Variants in AP3B1 observed in about 807,000 individuals in gnomAD.
AP3B1 encodes AP-3 complex subunit beta-1.
In AP3B1, 61 loss-of-function variants were observed where a neutral mutation model predicts 132.5. The ratio of observed to expected loss-of-function variants is 0.46; its 90% CI spans 0.37 to 0.57. The LOEUF (loss-of-function observed/expected upper bound fraction) is 0.57. Ranked by LOEUF, AP3B1 falls within the 20% of genes least tolerant of loss-of-function variation. The probability of loss-of-function intolerance (pLI) is 0.00; values close to 1 mark genes in which losing one functional copy is unlikely to be tolerated. For synonymous variants in AP3B1, 388 were observed against 438.3 expected (o/e 0.89, Z 1.43); for missense variants, 1,120 against 1,289.4 (o/e 0.87, Z 2.01).
intron 17 of AP3B1, among the ~76,000 whole-genome samples, chr5:78,125,954 T>C (rs1159305027): frequency 6.6e-6 from 1 of 152,018 alleles, no homozygotes; most frequent in Non-Finnish European, 1.5e-5. Context: ...TTAAATTGCA[T>C]AGCATTGCTA....
chr5:78,242,933 A>G (rs1747205312), intron 2 of AP3B1, among the ~76,000 whole-genome samples: 1 of 152,226 alleles, frequency 6.6e-6, no homozygotes, highest in African/African-American at 2.4e-5. Flanking sequence ...TACATACCAT[A>G]TCTAATAAAC....
At chr5:78,166,196 T>C (rs1373139534) in intron 11 of AP3B1, among the ~76,000 whole-genome samples, 9 of 151,168 alleles carry the variant, frequency 6.0e-5, no homozygotes, top group African/African-American at 2.2e-4. Context: ...GCCAATGTGG[T>C]AAGGCATTAT....
At chr5:78,201,762 A>C (rs1431885228) in intron 7 of AP3B1, among the ~76,000 whole-genome samples, 1 of 152,210 alleles carries the variant, frequency 6.6e-6, no homozygotes, top group African/African-American at 2.4e-5. Flanking sequence ...ACAGAGAGAC[A>C]TCCAAGGAGA....
intron 2 of AP3B1, among the ~76,000 whole-genome samples, chr5:78,258,235 G>A (rs1212133292): frequency 1.1e-4 from 17 of 152,104 alleles, no homozygotes; most frequent in Non-Finnish European, 1.5e-5. Flanking sequence ...CTCATAGAAT[G>A]GGAGAAAATA....
At chr5:78,079,535 T>G (rs997146939) in intron 22 of AP3B1, among the ~76,000 whole-genome samples, 1 of 152,158 alleles carries the variant, frequency 6.6e-6, no homozygotes, top group African/African-American at 2.4e-5. Flanking sequence ...AAAGATTGAT[T>G]TAGTATATAA....
intron 20 of AP3B1, among the ~76,000 whole-genome samples, chr5:78,105,274 A>G (rs1751287947): frequency 9.5e-6 from 1 of 105,444 alleles, no homozygotes; most frequent in Admixed American, 1.2e-4. Flanking sequence ...GTGGACTAAC[A>G]ACGTAGCTGA....
At position 78,002,364 on chromosome 5, in the gene AP3B1, A is replaced by G. The variant is rs2112027005; in HGVS notation, c.*538T>C. 5.3e-6 allele frequency: 2 copies of G among 380,498 alleles called. No homozygotes were observed. The highest frequency in any genetic ancestry group is 7.6e-5 in the East Asian group (2 of 26,164). The allele number at this position is 380,498 out of a possible 1,614,324, so 23.6% of individuals were successfully genotyped here. A position where few individuals can be genotyped will look rare whatever the true frequency, so the allele number is the denominator to read the frequency against. On this transcript the variant is annotated 3_prime_UTR_variant, in exon 27 of 27. Coordinates refer to ENST00000255194, the MANE Select transcript of AP3B1 (RefSeq NM_003664.5). ...CTAGTTTATTTATCTTATTATTGAG[A>G]GATAATTTCATGATGACAGTTATCA...
At chr5:78,011,041 CTTTTTTTTTT>C (rs11301750) in intron 26 of AP3B1, among the ~76,000 whole-genome samples, 1 of 129,374 alleles carries the variant, frequency 7.7e-6, no homozygotes, top group Non-Finnish European at 1.6e-5. Context: ...CTGTATCTCT[CTTTTTTTTTT>C]TTTTTTTTTT....
chr5:78,242,847 A>G (rs1722133267), intron 2 of AP3B1, among the ~76,000 whole-genome samples: 1 of 152,154 alleles, frequency 6.6e-6, no homozygotes, highest in South Asian at 2.1e-4. Flanking sequence ...ATATCTTTTA[A>G]AAGTCCAGAC....
At chr5:78,206,822 T>A (rs141525239) in intron 7 of AP3B1, among the ~76,000 whole-genome samples, 7 of 151,990 alleles carry the variant, frequency 4.6e-5, no homozygotes, top group Non-Finnish European at 8.8e-5. Context: ...ATAAATGCAA[T>A]CAAAAAGACA....
chr5:78,021,935 G>A (rs999011603), intron 24 of AP3B1, among the ~76,000 whole-genome samples: 2 of 152,120 alleles, frequency 1.3e-5, no homozygotes, highest in Admixed American at 6.5e-5. Context: ...GTTAGAACTG[G>A]ATCCCACAGC....
At chr5:78,041,431 C>T (rs545018217) in intron 22 of AP3B1, among the ~76,000 whole-genome samples, 8 of 151,198 alleles carry the variant, frequency 5.3e-5, no homozygotes, top group Admixed American at 2.0e-4. Context: ...TGGTGCATTG[C>T]GCCTGTAGTC....
chr5:78,029,657 A>G (rs1747489581), intron 24 of AP3B1, among the ~76,000 whole-genome samples: 1 of 152,036 alleles, frequency 6.6e-6, no homozygotes, highest in Non-Finnish European at 1.5e-5. Flanking sequence ...TTAAACATTT[A>G]TTTTAAATTA....
At chr5:78,247,717 T>C (rs1056435313) in intron 2 of AP3B1, among the ~76,000 whole-genome samples, 1 of 152,128 alleles carries the variant, frequency 6.6e-6, no homozygotes, top group Non-Finnish European at 1.5e-5. Flanking sequence ...TTATAACTTA[T>C]GTCTTTATAT....
At chr5:78,013,849 G>T (rs1193129809) in intron 26 of AP3B1, among the ~76,000 whole-genome samples, 2 of 152,130 alleles carry the variant, frequency 1.3e-5, no homozygotes, top group Non-Finnish European at 2.9e-5. Context: ...ATGTGAGATA[G>T]ATAGAGCTTG....
intron 21 of AP3B1, among the ~76,000 whole-genome samples, chr5:78,093,637 A>C (rs1750631297): frequency 6.6e-6 from 1 of 152,232 alleles, no homozygotes; most frequent in South Asian, 2.1e-4. Context: ...AGAAAAACTG[A>C]ATACATAATG....
chr5:78,199,020 T>C (rs1388818265), intron 7 of AP3B1, among the ~76,000 whole-genome samples: 1 of 152,240 alleles, frequency 6.6e-6, no homozygotes, highest in Non-Finnish European at 1.5e-5. Flanking sequence ...ACTTTACATG[T>C]TTTATATCAC....
chr5:78,142,638 TAA>T (rs3050113), intron 14 of AP3B1, among the ~76,000 whole-genome samples: 36,815 of 151,840 alleles, frequency 0.24, 4,701 homozygotes, highest in African/African-American at 0.32. Flanking sequence ...ATAAAAATAT[TAA>T]GTTACAATAT....
intron 1 of AP3B1, among the ~76,000 whole-genome samples, chr5:78,278,585 C>T (rs868349588): frequency 0.021 from 1,290 of 62,564 alleles, 64 homozygotes; most frequent in African/African-American, 0.059. Flanking sequence ...GGCGACAGAG[C>T]GAGACTCCGT....
Sources: gnomAD v4.1 joint callset for allele counts (sites outside exome capture counted in the v4.1 genomes callset) on GRCh38, gnomAD v4.1.1 for gene constraint, MANE v1.5 for transcripts, NCBI Gene and HGNC (gene_info 2026-07-23, HGNC 2026-07-21) for gene names.